Variants in DISC1 observed in about 807,000 individuals in gnomAD.
DISC1 encodes the protein DISC1 scaffold protein, also known as disrupted in schizophrenia 1 protein.
A neutral mutation model predicts 84.5 loss-of-function variants in DISC1; 57 were observed. The observed-to-expected ratio is 0.67, with a 90% CI of 0.55 to 0.84. The LOEUF is 0.84. Among genes scored for constraint, DISC1 ranks in the 40% least tolerant of loss-of-function variants. DISC1 has a pLI of 0.00. For missense variants in DISC1, 1,000 were observed against 1,057.8 expected, an observed-to-expected ratio of 0.95 and a Z score of 0.76; for synonymous variants, 411 against 415.2, an observed-to-expected ratio of 0.99 and a Z score of 0.12.
chr1:231,967,996 CAATT>C (rs563978909), intron 10 of DISC1, among the ~76,000 whole-genome samples: 45 of 152,222 alleles, frequency 3.0e-4, no homozygotes, highest in African/African-American at 1.1e-3. Context: ...TCTAGACACT[CAATT>C]AAGTATTAAC....
At chr1:231,922,872 A>T (rs539724267) in intron 9 of DISC1, among the ~76,000 whole-genome samples, 1 of 152,268 alleles carries the variant, frequency 6.6e-6, no homozygotes, top group South Asian at 2.1e-4. Context: ...CAACCTCTAA[A>T]CATCATTGAG....
rs200776125 is a variant in DISC1, at chr1:231,635,929, C to A, written c.67+8995C>A. Reference sequence around the variant, plus strand: ...AGAGAATTCATTCTCATGAAGTTTCCGGATATTGTTTCATCAGAAGGACTG... The same window carrying A: ...AGAGAATTCATTCTCATGAAGTTTCAGGATATTGTTTCATCAGAAGGACTG... On this transcript the variant is annotated intron_variant, in intron 1 of 12. Transcript: ENST00000439617. Among the ~76,000 whole-genome samples the A allele has an allele frequency of 2.6e-5, 4 of 152,104 alleles. No homozygotes were observed. The East Asian group carries it at 5.8e-4, about 22-fold the overall frequency.
chr1:231,986,471 G>A (rs1664456672), intron 10 of DISC1, among the ~76,000 whole-genome samples: 1 of 152,174 alleles, frequency 6.6e-6, no homozygotes, highest in East Asian at 1.9e-4. Flanking sequence ...GTTTTCACCA[G>A]GGGCTGAAGG....
chr1:231,725,935 A>G (rs945736062), intron 3 of DISC1, among the ~76,000 whole-genome samples: 1 of 152,034 alleles, frequency 6.6e-6, no homozygotes, highest in African/African-American at 2.4e-5. Context: ...TAGCATTGTT[A>G]GGGAGTGGCA....
intron 9 of DISC1, among the ~76,000 whole-genome samples, chr1:231,857,552 C>A (rs573342348): frequency 2.8e-4 from 42 of 152,252 alleles, no homozygotes; most frequent in Non-Finnish European, 5.6e-4. Context: ...TAGGGTTATA[C>A]TAGATATTCT....
intron 9 of DISC1, among the ~76,000 whole-genome samples, chr1:231,853,322 G>A (rs960342203): frequency 6.6e-6 from 1 of 152,166 alleles, no homozygotes; most frequent in Non-Finnish European, 1.5e-5. Flanking sequence ...TTGTGTGAAC[G>A]TCATAGAGTG....
At chr1:231,704,939 T>C (rs1341694736) in intron 3 of DISC1, among the ~76,000 whole-genome samples, 1 of 152,008 alleles carries the variant, frequency 6.6e-6, no homozygotes. Context: ...GCATGCTGAA[T>C]GCCGTCCTCA....
intron 10 of DISC1, among the ~76,000 whole-genome samples, chr1:232,003,309 A>G (rs1666947369): frequency 6.6e-6 from 1 of 152,178 alleles, no homozygotes; most frequent in Admixed American, 6.5e-5. Flanking sequence ...AATTTGAATT[A>G]AAAGAGTGTT....
At chr1:231,874,348 A>G (rs1283568007) in intron 9 of DISC1, among the ~76,000 whole-genome samples, 1 of 151,394 alleles carries the variant, frequency 6.6e-6, no homozygotes, top group African/African-American at 2.4e-5. Flanking sequence ...TTTAGTAAAG[A>G]TGGGGTTTCA....
rs36231584 is a variant in DISC1 at position 232,021,333 on chromosome 1, TACACACACAC to T, written c.2308-5070_2308-5061del. Among the ~76,000 whole-genome samples the T allele has an allele frequency of 4.6e-3, 675 of 148,164 alleles. 1 individual carries two copies. Among genetic ancestry groups the T allele is most frequent in the African/African-American group, 0.011 (463 of 40,302 alleles). ...GGAAATTTTTACTGTACTTGTTCTA[TACACACACAC>T]ACACACACACACACACACACACACA... On this transcript the variant is annotated intron_variant, in intron 11 of 12. Transcript: ENST00000439617.
intron 9 of DISC1, among the ~76,000 whole-genome samples, chr1:231,821,413 A>G (rs1397380526): frequency 2.0e-5 from 3 of 152,210 alleles, no homozygotes; most frequent in Admixed American, 6.5e-5. Context: ...GCAAAGGGAG[A>G]CAGACCTCAT....
intron 9 of DISC1, among the ~76,000 whole-genome samples, chr1:231,879,074 A>G (rs2086093984): frequency 6.6e-6 from 1 of 151,166 alleles, no homozygotes; most frequent in African/African-American, 2.4e-5. Flanking sequence ...AATGCTTGGG[A>G]TCAGGAGTGT....
In DISC1 at chr1:232,031,274, GAAA is replaced by G. The variant is rs1163895904; in HGVS notation, c.2425+4725_2425+4727del. Among the ~76,000 whole-genome samples, 15 of 140,702 alleles carry G rather than the reference GAAA, an allele frequency of 1.1e-4. No individual in the cohort carries two copies. The South Asian group carries it at 3.4e-3, about 32-fold the overall frequency. The allele number at this position is 140,702 out of a possible 152,430, so 92.3% of individuals were successfully genotyped here. A position where few individuals can be genotyped will look rare whatever the true frequency, so the allele number is the denominator to read the frequency against. On this transcript the variant is annotated intron_variant, in intron 12 of 12. Coordinates refer to ENST00000439617, the MANE Select transcript of DISC1 (RefSeq NM_018662.3). The surrounding 1 kb of genome is among the most constrained non-coding windows in gnomAD (Gnocchi z 4.6). ...GGAAGGAGAAAGAAAGATAAAGAAA[GAAA>G]AAGAAAGAAAAGAGGAAGGAAGGAA...
At chr1:231,968,578 C>A (rs1157945566) in intron 10 of DISC1, among the ~76,000 whole-genome samples, 1 of 137,208 alleles carries the variant, frequency 7.3e-6, no homozygotes, top group African/African-American at 2.9e-5. Flanking sequence ...GGCGACAGAG[C>A]GAGACTCCGT....
rs1291626706 is a variant in DISC1 at position 231,675,941 on chromosome 1, C to T, written c.68-17885C>T. On this transcript the variant is annotated intron_variant, in intron 1 of 12. Coordinates refer to ENST00000439617, the MANE Select transcript of DISC1 (RefSeq NM_018662.3). This position sits in a 1 kb window ranked among gnomAD's most constrained non-coding sequence, Gnocchi z 4.1. ...TCGGGTCACTGCAACCTCCGCCTCCCGGGTTCAAGCAATTCTCCTGCCTCA... is the reference window on the plus strand; with the variant it reads ...TCGGGTCACTGCAACCTCCGCCTCCTGGGTTCAAGCAATTCTCCTGCCTCA... Among the ~76,000 whole-genome samples, 4 of 151,762 alleles carry T rather than the reference C, an allele frequency of 2.6e-5. No individual in the cohort carries two copies. The highest frequency in any genetic ancestry group is 2.1e-4 in the South Asian group (1 of 4,814).
chr1:231,816,259 G>T (rs906847979), intron 8 of DISC1, among the ~76,000 whole-genome samples: 1 of 152,112 alleles, frequency 6.6e-6, no homozygotes, highest in Non-Finnish European at 1.5e-5. Flanking sequence ...TTTGTAAAAT[G>T]CCTGTTAAGT....
chr1:231,972,162 T>C (rs1662067569), intron 10 of DISC1, among the ~76,000 whole-genome samples: 1 of 152,256 alleles, frequency 6.6e-6, no homozygotes, highest in South Asian at 2.1e-4. Flanking sequence ...GATTTATTGC[T>C]GCTCAGTAGA....
At chr1:231,628,749 T>G (rs2058464378) in intron 1 of DISC1, among the ~76,000 whole-genome samples, 1 of 152,128 alleles carries the variant, frequency 6.6e-6, no homozygotes, top group Non-Finnish European at 1.5e-5. Flanking sequence ...AGGTAATTTT[T>G]TTTTCTTTAG....
chr1:231,633,930 C>T (rs1304997185), intron 1 of DISC1, among the ~76,000 whole-genome samples: 1 of 145,030 alleles, frequency 6.9e-6, no homozygotes, highest in East Asian at 2.1e-4. Flanking sequence ...GTAGCCCAGG[C>T]TGGAGTGCAG....
Sources: gnomAD v4.1 joint callset for allele counts (sites outside exome capture counted in the v4.1 genomes callset) on GRCh38, gnomAD v4.1.1 for gene constraint, Gnocchi (gnomAD v3.1) non-coding constraint, MANE v1.5 for transcripts, NCBI Gene and HGNC (gene_info 2026-07-23, HGNC 2026-07-21) for gene names.